SKIC2: variants seen among roughly 807,000 people sequenced by gnomAD.
SKIC2 encodes SKI2 subunit of superkiller complex.
the SKIC2 span, chr6:31,960,641 C>T: frequency 6.3e-7 from 1 of 1,588,132 alleles, no homozygotes; most frequent in Admixed American, 1.7e-5. Flanking sequence ...TCCCATGAAT[C>T]CCTGTCTGTC....
chr6:31,959,757 C>T, the SKIC2 span: 1 of 558,510 alleles, frequency 1.8e-6, no homozygotes, highest in African/African-American at 1.9e-5. Flanking sequence ...AGTGAGTCTC[C>T]AATTTCAGTG....
At chr6:31,961,615 T>C in the SKIC2 span, 2 of 1,613,038 alleles carry the variant, frequency 1.2e-6, no homozygotes, top group Non-Finnish European at 1.7e-6. Context: ...GGGCCATCCC[T>C]GTGGACGCCA....
At chr6:31,959,508 G>A in the SKIC2 span, 1 of 788,668 alleles carries the variant, frequency 1.3e-6, no homozygotes, top group Non-Finnish European at 2.2e-6. Flanking sequence ...CTGTACTCCT[G>A]TCCATCCCAG....
the SKIC2 span, chr6:31,961,517 C>T: frequency 6.4e-7 from 1 of 1,572,372 alleles, no homozygotes. Flanking sequence ...CTGGTTGTAT[C>T]TTTATCACTG....
At chr6:31,967,184 G>A in the SKIC2 span, 1 of 1,607,588 alleles carries the variant, frequency 6.2e-7, no homozygotes, top group Non-Finnish European at 8.5e-7. This position sits in a 1 kb window ranked among gnomAD's most constrained non-coding sequence, Gnocchi z 4.9. Context: ...GAGAAGGGAA[G>A]AGAAGATCGT....
the SKIC2 span, chr6:31,963,801 C>G: frequency 6.7e-7 from 1 of 1,481,920 alleles, no homozygotes; most frequent in South Asian, 1.2e-5. This position sits in a 1 kb window ranked among gnomAD's most constrained non-coding sequence, Gnocchi z 5.3. Context: ...TTCCCCTTGT[C>G]CCCCAGGGGT....
the SKIC2 span, chr6:31,964,116 G>T: frequency 6.2e-7 from 1 of 1,612,522 alleles, no homozygotes. The surrounding 1 kb of genome is among the most constrained non-coding windows in gnomAD (Gnocchi z 5.0). Flanking sequence ...CTGACCGCCA[G>T]CTGCCCCAGG....
At chr6:31,966,621 T>C in the SKIC2 span, 1 of 1,409,858 alleles carries the variant, frequency 7.1e-7, no homozygotes, top group Non-Finnish European at 9.9e-7. This position sits in a 1 kb window ranked among gnomAD's most constrained non-coding sequence, Gnocchi z 5.9. Context: ...TAGGACCGGA[T>C]CTGACGGGAG....
At chr6:31,967,744 C>T in the SKIC2 span, 2 of 1,612,930 alleles carry the variant, frequency 1.2e-6, no homozygotes, top group Non-Finnish European at 1.7e-6. The surrounding 1 kb of genome is among the most constrained non-coding windows in gnomAD (Gnocchi z 4.9). Flanking sequence ...GCAGAGTATT[C>T]ACAACCCTGG....
At chr6:31,963,035 TATC>T in the SKIC2 span, 1 of 1,612,928 alleles carries the variant, frequency 6.2e-7, no homozygotes, top group Non-Finnish European at 8.5e-7. The surrounding 1 kb of genome is among the most constrained non-coding windows in gnomAD (Gnocchi z 5.3). Context: ...ACCACGTTTC[TATC>T]ATCCTTCTGA....
chr6:31,963,448 C>T, the SKIC2 span: 5 of 1,610,510 alleles, frequency 3.1e-6, no homozygotes, highest in Middle Eastern at 3.3e-4. This position sits in a 1 kb window ranked among gnomAD's most constrained non-coding sequence, Gnocchi z 5.3. Context: ...GTGATTAGCA[C>T]TGTAACCCGC....
At chr6:31,961,524 A>G in the SKIC2 span, 3 of 1,572,294 alleles carry the variant, frequency 1.9e-6, no homozygotes, top group Non-Finnish European at 2.6e-6. Flanking sequence ...TATCTTTATC[A>G]CTGCTACCCC....
chr6:31,960,593 C>G, the SKIC2 span: 2 of 1,578,730 alleles, frequency 1.3e-6, no homozygotes, highest in African/African-American at 2.7e-5. Context: ...TCTTTAATCT[C>G]CAGGGAAGGG....
the SKIC2 span, chr6:31,963,489 G>C: frequency 6.2e-7 from 1 of 1,612,018 alleles, no homozygotes; most frequent in African/African-American, 1.3e-5. This position sits in a 1 kb window ranked among gnomAD's most constrained non-coding sequence, Gnocchi z 5.3. Flanking sequence ...TCTTTTCACA[G>C]GGAACAGCTC....
chr6:31,968,596 C>T, the SKIC2 span: 1 of 1,558,646 alleles, frequency 6.4e-7, no homozygotes, highest in Non-Finnish European at 8.8e-7. This position sits in a 1 kb window ranked among gnomAD's most constrained non-coding sequence, Gnocchi z 6.1. Flanking sequence ...TCTGTGGTCC[C>T]CTGTAGACTG....
chr6:31,968,080 C>T, the SKIC2 span: 16 of 1,612,870 alleles, frequency 9.9e-6, no homozygotes, highest in East Asian at 2.2e-4. This position sits in a 1 kb window ranked among gnomAD's most constrained non-coding sequence, Gnocchi z 6.1. Flanking sequence ...AGCCAAAATT[C>T]AAGTCAGAGA....
chr6:31,967,220 G>GA, the SKIC2 span: 1 of 1,609,162 alleles, frequency 6.2e-7, no homozygotes, highest in Admixed American at 1.7e-5. The surrounding 1 kb of genome is among the most constrained non-coding windows in gnomAD (Gnocchi z 4.9). Context: ...ACTAAACTTA[G>GA]TCCAAGTGTC....
the SKIC2 span, chr6:31,962,901 C>T: frequency 2.3e-6 from 3 of 1,319,352 alleles, no homozygotes; most frequent in Non-Finnish European, 3.3e-6. This position sits in a 1 kb window ranked among gnomAD's most constrained non-coding sequence, Gnocchi z 5.0. Context: ...GCTTTCTTTA[C>T]CCCCATATGG....
the SKIC2 span, chr6:31,968,936 T>C: frequency 1.2e-6 from 2 of 1,612,996 alleles, no homozygotes; most frequent in South Asian, 2.2e-5. The surrounding 1 kb of genome is among the most constrained non-coding windows in gnomAD (Gnocchi z 6.1). Flanking sequence ...GGGTGGCTTG[T>C]GCCATGAGCA....
Sources: gnomAD v4.1 joint callset for allele counts on GRCh38, gnomAD v4.1.1 for gene constraint, Gnocchi (gnomAD v3.1) non-coding constraint, MANE v1.5 for transcripts, NCBI Gene and HGNC (gene_info 2026-07-23, HGNC 2026-07-21) for gene names.